PEPD: variants seen among roughly 807,000 people sequenced by gnomAD.
The protein encoded by PEPD is xaa-Pro dipeptidase.
PEPD carries 53 observed loss-of-function variants against 60.7 expected under a neutral mutation model. The observed-to-expected ratio is 0.87, with a 90% CI of 0.70 to 1.10. The LOEUF (loss-of-function observed/expected upper bound fraction) is 1.10, where lower values mean the gene tolerates loss of function less well. Among genes scored for constraint, PEPD ranks in the 50% least tolerant of loss-of-function variants. The pLI is 0.00. For synonymous variants in PEPD, 267 were observed against 284.1 expected (o/e 0.94, Z 0.60); for missense variants, 711 against 711.9 (o/e 1.00, Z 0.01).
At chr19:33,404,215 G>C (rs1452817797) in intron 11 of PEPD, among the ~76,000 whole-genome samples, 1 of 152,174 alleles carries the variant, frequency 6.6e-6, no homozygotes, top group Non-Finnish European at 1.5e-5. Context: ...GTTTTGCCTG[G>C]GGACAGCTAA....
intron 7 of PEPD, among the ~76,000 whole-genome samples, chr19:33,475,451 C>G (rs1344656194): frequency 6.6e-6 from 1 of 151,758 alleles, no homozygotes; most frequent in Non-Finnish European, 1.5e-5. Context: ...GCTATTAAAA[C>G]ATACCCCTGA....
At chr19:33,405,635 G>A (rs954110302) in intron 11 of PEPD, among the ~76,000 whole-genome samples, 37 of 152,254 alleles carry the variant, frequency 2.4e-4, no homozygotes, top group Non-Finnish European at 1.6e-4. Flanking sequence ...GTGGTCTCCA[G>A]GGTGCATGGG....
intron 3 of PEPD, among the ~76,000 whole-genome samples, chr19:33,503,591 T>A (rs1227099746): frequency 1.3e-5 from 2 of 151,962 alleles, no homozygotes; most frequent in African/African-American, 4.8e-5. Flanking sequence ...GCAACCACAC[T>A]CTCAGCACCG....
chr19:33,395,484 C>T (rs542484965), intron 12 of PEPD, among the ~76,000 whole-genome samples: 25 of 152,278 alleles, frequency 1.6e-4, no homozygotes, highest in African/African-American at 5.1e-4. Context: ...TCCCATCATG[C>T]GCCTCATGAA....
At chr19:33,501,875 A>G (rs1339476583) in intron 3 of PEPD, among the ~76,000 whole-genome samples, 1 of 152,106 alleles carries the variant, frequency 6.6e-6, no homozygotes, top group Non-Finnish European at 1.5e-5. Flanking sequence ...GCCAAAAATT[A>G]GCATTTTTAG....
chr19:33,455,484 T>A (rs1033350595), intron 9 of PEPD, among the ~76,000 whole-genome samples: 2 of 151,790 alleles, frequency 1.3e-5, no homozygotes. Context: ...ACAGTCAGCA[T>A]CAGGTTTTTG....
Position 33,401,858 on chromosome 19 carries a change from A to C in PEPD, c.830T>G (p.Met277Arg). 1 of 1,613,200 alleles carries C rather than the reference A, an allele frequency of 6.2e-7. No individual in the cohort carries two copies. Among genetic ancestry groups the C allele is most frequent in the East Asian group, 2.2e-5 (1 of 44,880 alleles). ...IQNGDMCLFDMGGEYYCFASD... is the reference protein window; with the variant it reads ...IQNGDMCLFDRGGEYYCFASD... ...AGCGAAGCAGTAATACTCACCGCCC[A>C]TGTCGAACAGGCTGCGGAGAGAGGA... The change falls in exon 12 of 15, where the codon ATG (methionine) becomes AGG (arginine). Residue 277 changes from methionine to arginine, a missense_variant. Physicochemically the swap from Met to Arg is moderately conservative, Grantham distance 91. Coordinates refer to ENST00000244137, the MANE Select transcript of PEPD (RefSeq NM_000285.4).
chr19:33,463,995 G>C lies in PEPD; in HGVS notation c.616C>G (p.His206Asp). Residue 206 changes from histidine (H) to aspartate (D), a missense_variant, in exon 8 of 15, where the codon CAC (histidine) becomes GAC (aspartate). By Grantham distance (81) the His-to-Asp change is moderately conservative (BLOSUM62 -1). Coordinates refer to ENST00000244137, the MANE Select transcript of PEPD (RefSeq NM_000285.4). ...RYTNKISSEA[H>D]REVMKAVKVG... ...GCCGGTGCCTGACTTACCTCACGGT[G>C]GGCCTCGCTGGAGATTTTATTGGTA... The C allele has an allele frequency of 1.9e-6, 3 of 1,609,186 alleles. No homozygotes were observed. The highest frequency in any genetic ancestry group is 2.6e-6 in the Non-Finnish European group (3 of 1,176,416).
chr19:33,387,441 A>G lies in PEPD; in HGVS notation c.1385T>C (p.Ile462Thr), dbSNP rs201222933. 2.6e-4 allele frequency: 416 copies of G among 1,613,974 alleles called. 6 individuals are homozygous for G. The South Asian group carries it at 3.2e-3, about 13-fold the overall frequency. Residue 462 changes from isoleucine to threonine, a missense_variant, in exon 15 of 15, where the codon ATA (isoleucine) becomes ACA (threonine). By Grantham distance (89) the Ile-to-Thr change is moderately conservative. Transcript: ENST00000244137. ...GCGGGGCACGCAGGTCAGCAGCTCT[A>G]TGCCGCTGTCAGTCACCACGACGTC... ...EEDVVVTDSG[I>T]ELLTCVPRTV...
At chr19:33,496,573 G>A (rs1215968150) in intron 4 of PEPD, among the ~76,000 whole-genome samples, 3 of 152,216 alleles carry the variant, frequency 2.0e-5, no homozygotes, top group Non-Finnish European at 4.4e-5. Flanking sequence ...GGAACACGAC[G>A]CGCTGTGCGT....
chr19:33,392,437 T>A (rs1040324535), intron 12 of PEPD, among the ~76,000 whole-genome samples: 6 of 152,178 alleles, frequency 3.9e-5, no homozygotes, highest in Non-Finnish European at 8.8e-5. Flanking sequence ...GAGCACCAGA[T>A]AAGGACTCGA....
intron 12 of PEPD, chr19:33,395,027 C>T (rs1327397704): frequency 4.6e-5 from 7 of 152,266 alleles, no homozygotes; most frequent in Admixed American, 1.3e-4. Flanking sequence ...TCAGCTTGGC[C>T]TGGTCTCCAG....
At chr19:33,511,414 C>T (rs1157787392) in intron 2 of PEPD, 2 of 468,662 alleles carry the variant, frequency 4.3e-6, no homozygotes, top group Non-Finnish European at 8.0e-6. Context: ...CTGAGTCCAC[C>T]TGTATCCCCA....
At chr19:33,390,170 G>A (rs941388375) in intron 13 of PEPD, among the ~76,000 whole-genome samples, 9 of 152,238 alleles carry the variant, frequency 5.9e-5, no homozygotes, top group Non-Finnish European at 1.2e-4. Context: ...TCTGTCAGAA[G>A]AATAGACTCT....
At chr19:33,516,840 G>C (rs1218232496) in intron 1 of PEPD, among the ~76,000 whole-genome samples, 2 of 152,134 alleles carry the variant, frequency 1.3e-5, no homozygotes, top group Non-Finnish European at 2.9e-5. Context: ...AAAAATCAAA[G>C]GTATTTTAAT....
At chr19:33,484,050 G>C (rs73039156) in intron 6 of PEPD, among the ~76,000 whole-genome samples, 4,989 of 152,208 alleles carry the variant, frequency 0.033, 129 homozygotes, top group Non-Finnish European at 0.052. Context: ...AAGAGAGAAG[G>C]GGGTAACAGC....
At chr19:33,418,363 G>A (rs374957008) in intron 9 of PEPD, among the ~76,000 whole-genome samples, 1 of 152,192 alleles carries the variant, frequency 6.6e-6, no homozygotes, top group Admixed American at 6.5e-5. Context: ...ACCTCAGGCC[G>A]AGCAGAGCGT....
At chr19:33,442,882 G>A (rs762444906) in intron 9 of PEPD, among the ~76,000 whole-genome samples, 1 of 152,136 alleles carries the variant, frequency 6.6e-6, no homozygotes. Flanking sequence ...CTCGGGGAAC[G>A]TCCACCGGGG....
At position 33,498,734 on chromosome 19, in the gene PEPD, A is replaced by G. The variant is rs540421259; in HGVS notation, c.393+2204T>C. Among the ~76,000 whole-genome samples, 58 of 151,642 alleles carry G rather than the reference A, an allele frequency of 3.8e-4. 1 individual carries two copies. The South Asian group carries it at 0.012, about 31-fold the overall frequency. On this transcript the variant is annotated intron_variant, in intron 4 of 14. Coordinates refer to ENST00000244137, the MANE Select transcript of PEPD (RefSeq NM_000285.4). ...CCCATCCCGCCACAGTCCTTGAGAC[A>G]GGGTCCTGGAGGCAGGTGCCCATCC...
Sources: gnomAD v4.1 joint callset for allele counts (sites outside exome capture counted in the v4.1 genomes callset) on GRCh38, gnomAD v4.1.1 for gene constraint, MANE v1.5 for transcripts, NCBI Gene and HGNC (gene_info 2026-07-23, HGNC 2026-07-21) for gene names.